The following ALDH6A1 variants were observed in gnomAD, a reference collection of about 807,000 sequenced individuals.
The protein encoded by ALDH6A1 is aldehyde dehydrogenase 6 family member A1.
In ALDH6A1, 43 loss-of-function variants were observed where a neutral mutation model predicts 62.6. That is an observed-to-expected ratio of 0.69 (90% CI 0.54 to 0.89). The LOEUF (loss-of-function observed/expected upper bound fraction) is 0.89. ALDH6A1 is among the 40% of genes least tolerant of loss of function. ALDH6A1 has a pLI of 0.00. For synonymous variants in ALDH6A1, 194 were observed against 234.2 expected (o/e 0.83, Z 1.57); for missense variants, 551 against 661.3 (o/e 0.83, Z 1.83).
chr14:74,061,278 CTATTATATAG>C (rs1451123714), intron 11 of ALDH6A1, among the ~76,000 whole-genome samples: 1 of 150,336 alleles, frequency 6.7e-6, no homozygotes, highest in Non-Finnish European at 1.5e-5. Context: ...GTGCCCCCAG[CTATTATATAG>C]TAGGCCATTT....
At chr14:74,064,731 T>C in intron 11 of ALDH6A1, 91 bp downstream of exon 11, 1 of 1,613,118 alleles carries the variant, frequency 6.2e-7, no homozygotes, top group East Asian at 2.2e-5. Flanking sequence ...CAGATGCTGC[T>C]GGCAGTCCCT....
chr14:74,073,101 T>C (rs1204719123), intron 2 of ALDH6A1, among the ~76,000 whole-genome samples: 3 of 151,004 alleles, frequency 2.0e-5, no homozygotes, highest in Non-Finnish European at 4.4e-5. Context: ...CACCTGGCCC[T>C]TATTTTTTAT....
chr14:74,072,779 C>T (rs575584359), intron 2 of ALDH6A1, among the ~76,000 whole-genome samples, 168 bp from the exon 3 acceptor site: 1 of 152,100 alleles, frequency 6.6e-6, no homozygotes, highest in African/African-American at 2.4e-5. Context: ...CATAATATCC[C>T]TATCTATTCT....
chr14:74,080,871 T>G (rs2060662163), intron 1 of ALDH6A1, among the ~76,000 whole-genome samples: 1 of 152,246 alleles, frequency 6.6e-6, no homozygotes, highest in African/African-American at 2.4e-5. Context: ...GAATAAAGAC[T>G]AATCCCCTTG....
At position 74,071,506 on chromosome 14, in the gene ALDH6A1, C is replaced by T. The variant is rs1401755466; in HGVS notation, c.428-9G>A. ...GGCATGCTCAACCACCTCTGGAACA[C>T]AGAAGTCAGGCCATCAGCTCTCCAC... On this transcript the variant is annotated splice_polypyrimidine_tract_variant and intron_variant, in intron 5 of 11. Transcript: ENST00000553458. 1 of 1,613,628 alleles carries T rather than the reference C, an allele frequency of 6.2e-7. No individual in the cohort carries two copies.
chr14:74,078,171 G>C (rs543380717), intron 1 of ALDH6A1: 1 of 455,436 alleles, frequency 2.2e-6, no homozygotes, highest in Admixed American at 2.4e-5. Flanking sequence ...ACTTTCAGGA[G>C]CTGACTTTGT....
At chr14:74,067,595 G>T (rs377446657) in intron 7 of ALDH6A1, 26 bp from the exon 8 acceptor site, 96 of 1,612,038 alleles carry the variant, frequency 6.0e-5, no homozygotes, top group Non-Finnish European at 7.9e-5. Flanking sequence ...GAAAGCACAT[G>T]AGTCTTCCTT....
intron 7 of ALDH6A1, among the ~76,000 whole-genome samples, chr14:74,068,586 T>C (rs565981493): frequency 6.6e-6 from 1 of 150,650 alleles, no homozygotes; most frequent in Non-Finnish European, 1.5e-5. Flanking sequence ...TGAAAAAAAA[T>C]AGAAAAATTA....
intron 6 of ALDH6A1, among the ~76,000 whole-genome samples, chr14:74,069,616 G>T (rs2060521375): frequency 6.6e-6 from 1 of 151,688 alleles, no homozygotes; most frequent in South Asian, 2.1e-4. Flanking sequence ...AGCCAAATGT[G>T]GTGGTGGGCA....
intron 2 of ALDH6A1, among the ~76,000 whole-genome samples, chr14:74,074,593 G>A (rs1297798649): frequency 6.6e-6 from 1 of 152,092 alleles, no homozygotes; most frequent in African/African-American, 2.4e-5. Flanking sequence ...ACCAAAAAAT[G>A]GTGACCTACT....
rs2060567450 is a variant in ALDH6A1 at position 74,072,677 on chromosome 14, G to T, written c.112-66C>A. 4 of 1,556,830 alleles carry T rather than the reference G, an allele frequency of 2.6e-6. No homozygotes were observed. The Middle Eastern group carries it at 5.0e-4, about 197-fold the overall frequency. The stretch of plus-strand genomic sequence containing the variant: ...AAACTTTGTATTAGCTAATTGCTTT[G>T]CTTTTCCCTTTCCCTTGCACCAAAA... On this transcript the variant is annotated intron_variant, in intron 2 of 11. Transcript: ENST00000553458.
At chr14:74,062,502 T>C (rs1270513472) in intron 11 of ALDH6A1, among the ~76,000 whole-genome samples, 3 of 151,524 alleles carry the variant, frequency 2.0e-5, no homozygotes, top group Non-Finnish European at 4.4e-5. Context: ...TCGGGAGGCA[T>C]AGATACGAGA....
chr14:74,057,453 AT>A lies in ALDH6A1; in HGVS notation c.*3188del. 2 of 1,463,934 alleles carry A rather than the reference AT, an allele frequency of 1.4e-6. No individual in the cohort carries two copies. The highest frequency in any genetic ancestry group is 2.8e-5 in the South Asian group (2 of 72,174). The allele number at this position is 1,463,934 out of a possible 1,614,324, so 90.7% of individuals were successfully genotyped here. On this transcript the variant is annotated 3_prime_UTR_variant, in exon 12 of 12. Coordinates refer to ENST00000553458, the MANE Select transcript of ALDH6A1 (RefSeq NM_005589.4). The stretch of plus-strand genomic sequence containing the variant: ...ACAAATGCATATTATACTAATGCAA[AT>A]GCAAATGTGTGCCTCTTTTTGTGTA...
At chr14:74,064,455 G>T (rs1298236061) in intron 11 of ALDH6A1, among the ~76,000 whole-genome samples, 1 of 152,104 alleles carries the variant, frequency 6.6e-6, no homozygotes, top group African/African-American at 2.4e-5. Flanking sequence ...GAGGGGTGGT[G>T]GTAGTTGGAG....
In ALDH6A1 at chr14:74,084,342, C is replaced by G. The variant is rs2060701601; in HGVS notation, c.48+5G>C. 2 of 1,613,648 alleles carry G rather than the reference C, an allele frequency of 1.2e-6. No individual in the cohort carries two copies. The highest frequency in any genetic ancestry group is 1.7e-5 in the Admixed American group (1 of 59,996). ...TCATGGTGCCTTGGCACCACCCTCA[C>G]TCGCCTGCAGGATCCGGGCTCGCAC... is the stretch of plus-strand genomic sequence containing the variant. On this transcript the variant is annotated splice_donor_5th_base_variant and intron_variant, in intron 1 of 11. Coordinates refer to ENST00000553458, the MANE Select transcript of ALDH6A1 (RefSeq NM_005589.4).
At position 74,056,971 on chromosome 14, in the gene ALDH6A1, AG is replaced by A. The variant is rs751562273; in HGVS notation, c.*3670del. 1 of 1,613,380 alleles carries A rather than the reference AG, an allele frequency of 6.2e-7. No individual in the cohort carries two copies. Among genetic ancestry groups the A allele is most frequent in the East Asian group, 2.2e-5 (1 of 44,876 alleles). Reference sequence around the variant, plus strand: ...GTTGTTTCTGACAGTGGGGAAACAAAGGAATTTGGGTAAGAGCTCTCTTGCT... The same window carrying A: ...GTTGTTTCTGACAGTGGGGAAACAAAGAATTTGGGTAAGAGCTCTCTTGCT... On this transcript the variant is annotated 3_prime_UTR_variant, in exon 12 of 12. Coordinates refer to ENST00000553458, the MANE Select transcript of ALDH6A1 (RefSeq NM_005589.4).
At chr14:74,064,775 A>C (rs569557006) in intron 11 of ALDH6A1, 47 bp downstream of exon 11, 1 of 1,612,390 alleles carries the variant, frequency 6.2e-7, no homozygotes, top group Non-Finnish European at 8.5e-7. Flanking sequence ...AATATCTTTA[A>C]GAAAATTTCT....
Position 74,059,140 on chromosome 14 carries a change from A to T in ALDH6A1, c.*1502T>A, listed in dbSNP as rs1489327375. 5.1e-6 allele frequency: 1 copy of T among 198,014 alleles called. No homozygotes were observed. The allele number at this position is 198,014 out of a possible 1,614,324, so 12.3% of individuals were successfully genotyped here. On this transcript the variant is annotated 3_prime_UTR_variant, in exon 12 of 12. Coordinates refer to ENST00000553458, the MANE Select transcript of ALDH6A1 (RefSeq NM_005589.4). The stretch of plus-strand genomic sequence containing the variant: ...GCAGTTGAACTAATGGCAGAAGAAG[A>T]CTGTCAAAGCATTTTTTTTTAACCA...
intron 2 of ALDH6A1, among the ~76,000 whole-genome samples, chr14:74,072,877 G>A (rs1291726907): frequency 6.6e-6 from 1 of 151,774 alleles, no homozygotes; most frequent in Non-Finnish European, 1.5e-5. Context: ...TCGGCTCACT[G>A]CAACCTCTGA....
Sources: allele counts gnomAD v4.1 joint callset (sites outside exome capture counted in the v4.1 genomes callset), GRCh38; gene constraint gnomAD v4.1.1; transcripts MANE v1.5; gene names NCBI Gene and HGNC (gene_info 2026-07-23, HGNC 2026-07-21).